LRP1B: variants seen among roughly 807,000 people sequenced by gnomAD.
The protein encoded by LRP1B is low-density lipoprotein receptor-related protein 1B.
LRP1B carries 217 observed loss-of-function variants against 556.6 expected under a neutral mutation model. That is an observed-to-expected ratio of 0.39 (90% CI 0.35 to 0.44). The LOEUF is 0.44. Ranked by LOEUF, LRP1B falls within the 20% of genes least tolerant of loss-of-function variation. The probability of loss-of-function intolerance (pLI) is 1.00; values close to 1 mark genes in which losing one functional copy is unlikely to be tolerated. For missense variants in LRP1B, 5,053 were observed against 5,620.8 expected (o/e 0.90, Z 3.23); for synonymous variants, 2,047 against 1,865.8 (o/e 1.10, Z -2.50).
intron 3 of LRP1B, among the ~76,000 whole-genome samples, chr2:141,421,720 T>A (rs1680151422): frequency 6.6e-6 from 1 of 151,988 alleles, no homozygotes; most frequent in African/African-American, 2.4e-5. Context: ...AGCTTAAGAT[T>A]AAGTGTCTTT....
intron 3 of LRP1B, among the ~76,000 whole-genome samples, chr2:141,379,153 G>A (rs559315590): frequency 6.6e-6 from 1 of 152,248 alleles, no homozygotes; most frequent in South Asian, 2.1e-4. Context: ...GGATCTCAAT[G>A]AGATGAACAG....
intron 71 of LRP1B, among the ~76,000 whole-genome samples, chr2:140,365,275 A>AT (rs1004862733): frequency 2.6e-5 from 4 of 151,650 alleles, no homozygotes; most frequent in African/African-American, 9.7e-5. Flanking sequence ...CAAAGAAACG[A>AT]TTTTTTAATA....
intron 1 of LRP1B, among the ~76,000 whole-genome samples, chr2:141,941,163 T>G (rs1475956663): frequency 6.6e-6 from 1 of 152,234 alleles, no homozygotes; most frequent in Non-Finnish European, 1.5e-5. Context: ...GATTCACCAT[T>G]TCAGGACTCC....
At chr2:140,518,926 T>C (rs1192091565) in intron 49 of LRP1B, among the ~76,000 whole-genome samples, 1 of 152,016 alleles carries the variant, frequency 6.6e-6, no homozygotes, top group Non-Finnish European at 1.5e-5. Context: ...TTTATTTCTT[T>C]CTCTTGCCTG....
intron 37 of LRP1B, among the ~76,000 whole-genome samples, chr2:140,704,770 TATTTTTA>T (rs1686769604): frequency 6.6e-6 from 1 of 152,140 alleles, no homozygotes; most frequent in African/African-American, 2.4e-5. Context: ...TCTTATCATC[TATTTTTA>T]ACATATTCCA....
intron 2 of LRP1B, among the ~76,000 whole-genome samples, chr2:141,691,941 T>C (rs1691548901): frequency 6.6e-6 from 1 of 152,014 alleles, no homozygotes; most frequent in Admixed American, 6.6e-5. Flanking sequence ...ACTTGTCTTA[T>C]AGTTGATATC....
At chr2:140,829,082 C>A (rs1302912800) in intron 31 of LRP1B, among the ~76,000 whole-genome samples, 1 of 151,966 alleles carries the variant, frequency 6.6e-6, no homozygotes, top group Non-Finnish European at 1.5e-5. Context: ...TAGGATTTAA[C>A]AATTGTAAAT....
At chr2:140,508,367 G>T (rs1184491079) in intron 52 of LRP1B, among the ~76,000 whole-genome samples, 2 of 151,952 alleles carry the variant, frequency 1.3e-5, no homozygotes, top group East Asian at 3.9e-4. Context: ...TAAGATACAG[G>T]TATTATCATT....
chr2:140,641,158 C>T (rs1198944201), intron 41 of LRP1B, among the ~76,000 whole-genome samples: 1 of 152,156 alleles, frequency 6.6e-6, no homozygotes, highest in Non-Finnish European at 1.5e-5. Flanking sequence ...AAACTGCAAT[C>T]TAAGTAGCAA....
intron 1 of LRP1B, among the ~76,000 whole-genome samples, chr2:142,060,407 T>C (rs183442390): frequency 6.6e-6 from 1 of 152,188 alleles, no homozygotes; most frequent in Admixed American, 6.6e-5. Flanking sequence ...AAATCTATTG[T>C]CAGGGACACT....
At chr2:140,618,051 T>C (rs1374315798) in intron 41 of LRP1B, among the ~76,000 whole-genome samples, 1 of 152,026 alleles carries the variant, frequency 6.6e-6, no homozygotes, top group Non-Finnish European at 1.5e-5. Flanking sequence ...ACACTAATTT[T>C]AAACATTTAT....
chr2:140,407,872 T>C (rs1441219317), intron 66 of LRP1B, among the ~76,000 whole-genome samples: 1 of 151,932 alleles, frequency 6.6e-6, no homozygotes, highest in African/African-American at 2.4e-5. Context: ...AAAAGACACA[T>C]GCACATGCAT....
chr2:140,397,295 A>C (rs1684296518), intron 66 of LRP1B, among the ~76,000 whole-genome samples: 1 of 151,986 alleles, frequency 6.6e-6, no homozygotes, highest in African/African-American at 2.4e-5. Context: ...CCTAGGTATT[A>C]AGCCCAGCAT....
At chr2:141,545,937 T>C (rs963762141) in intron 2 of LRP1B, among the ~76,000 whole-genome samples, 1 of 152,158 alleles carries the variant, frequency 6.6e-6, no homozygotes, top group Non-Finnish European at 1.5e-5. Context: ...AACTTCTGAC[T>C]TAGCAAAGAG....
At chr2:141,233,771 G>A (rs1488057178) in intron 5 of LRP1B, among the ~76,000 whole-genome samples, 1 of 151,916 alleles carries the variant, frequency 6.6e-6, no homozygotes, top group Non-Finnish European at 1.5e-5. Context: ...TCAATTATAA[G>A]AATATTAATT....
intron 66 of LRP1B, among the ~76,000 whole-genome samples, chr2:140,423,944 A>G (rs1685553420): frequency 6.6e-6 from 1 of 152,152 alleles, no homozygotes; most frequent in African/African-American, 2.4e-5. Flanking sequence ...TAAAAATTAA[A>G]ACTGTATTTA....
chr2:140,574,091 A>G (rs1460636011), intron 43 of LRP1B, among the ~76,000 whole-genome samples: 1 of 152,030 alleles, frequency 6.6e-6, no homozygotes, highest in Admixed American at 6.6e-5. Context: ...CTATATTTCA[A>G]ACTCTGACAG....
At chr2:141,702,542 A>G (rs1481706385) in intron 2 of LRP1B, among the ~76,000 whole-genome samples, 1 of 151,170 alleles carries the variant, frequency 6.6e-6, no homozygotes, top group East Asian at 2.0e-4. Context: ...CAGTTAATAG[A>G]CCTTTGGAAA....
chr2:141,080,874 C>T (rs1259220397), intron 7 of LRP1B, among the ~76,000 whole-genome samples: 2 of 152,170 alleles, frequency 1.3e-5, no homozygotes, highest in East Asian at 3.9e-4. Context: ...TGATAACCAT[C>T]CTGCTCTTAC....
Sources: allele counts gnomAD v4.1 joint callset (sites outside exome capture counted in the v4.1 genomes callset), GRCh38; gene constraint gnomAD v4.1.1; transcripts MANE v1.5; gene names NCBI Gene and HGNC (gene_info 2026-07-23, HGNC 2026-07-21).